The following HECW1 variants were observed in gnomAD, a reference collection of about 807,000 sequenced individuals.
HECW1 encodes HECT, C2 and WW domain containing E3 ubiquitin protein ligase 1.
HECW1 carries 61 observed loss-of-function variants against 182.3 expected under a neutral mutation model. The observed-to-expected ratio is 0.33, with a 90% CI of 0.27 to 0.41. The LOEUF is 0.41. HECW1 is among the 10% of genes least tolerant of loss of function. The pLI is 1.00. For missense variants in HECW1, 1,739 were observed against 2,108.9 expected, an observed-to-expected ratio of 0.82 and a Z score of 3.44; for synonymous variants, 859 against 832.6, an observed-to-expected ratio of 1.03 and a Z score of -0.55.
chr7:43,253,899 A>C (rs1346053215), intron 3 of HECW1, among the ~76,000 whole-genome samples: 2 of 151,984 alleles, frequency 1.3e-5, no homozygotes, highest in African/African-American at 4.8e-5. Flanking sequence ...CAAGAGTGAA[A>C]TTCCGTCTCA....
At chr7:43,307,300 C>G (rs954533754) in intron 3 of HECW1, among the ~76,000 whole-genome samples, 1 of 152,136 alleles carries the variant, frequency 6.6e-6, no homozygotes, top group Non-Finnish European at 1.5e-5. Context: ...TGTGGTCCTC[C>G]TATCAGTTCA....
At chr7:43,208,884 C>T (rs545026752) in intron 2 of HECW1, among the ~76,000 whole-genome samples, 1 of 152,210 alleles carries the variant, frequency 6.6e-6, no homozygotes, top group African/African-American at 2.4e-5. Flanking sequence ...GCCACACACT[C>T]TTGGAGGCTG....
At chr7:43,546,835 A>G (rs565928939) in intron 26 of HECW1, among the ~76,000 whole-genome samples, 6 of 152,184 alleles carry the variant, frequency 3.9e-5, no homozygotes, top group Non-Finnish European at 8.8e-5. Context: ...ATGTGTTTGC[A>G]CAAAACAGCA....
chr7:43,448,625 T>C (rs2152882236), intron 11 of HECW1, among the ~76,000 whole-genome samples: 1 of 152,340 alleles, frequency 6.6e-6, no homozygotes, highest in Non-Finnish European at 1.5e-5. Flanking sequence ...GCAGTGAGGG[T>C]AACTGTTTAT....
chr7:43,117,079 A>G (rs1785112424), intron 2 of HECW1, among the ~76,000 whole-genome samples: 1 of 152,332 alleles, frequency 6.6e-6, no homozygotes, highest in South Asian at 2.1e-4. Flanking sequence ...TCTTATTTGT[A>G]AAACTAAATT....
At chr7:43,349,116 C>T (rs1814068702) in intron 5 of HECW1, among the ~76,000 whole-genome samples, 1 of 152,154 alleles carries the variant, frequency 6.6e-6, no homozygotes, top group Non-Finnish European at 1.5e-5. Flanking sequence ...CTCACTGCAA[C>T]CTTTGCCTCC....
In HECW1 at chr7:43,314,112, C is replaced by G. The variant is rs1808887808; in HGVS notation, c.352+2025C>G. On this transcript the variant is annotated intron_variant, in intron 4 of 29. Transcript: ENST00000395891. ...TACAGGCATGAGCCACCATGCCCAGCCCAGATCTAGTTTTGAGTCAACTCA... is the reference window on the plus strand; with the variant it reads ...TACAGGCATGAGCCACCATGCCCAGGCCAGATCTAGTTTTGAGTCAACTCA... Among the ~76,000 whole-genome samples, 3 of 152,174 alleles carry G rather than the reference C, an allele frequency of 2.0e-5. No homozygotes were observed. In the South Asian group the frequency reaches 6.2e-4, roughly 32 times the overall value.
chr7:43,145,339 A>C (rs1788589961), intron 2 of HECW1, among the ~76,000 whole-genome samples: 1 of 152,154 alleles, frequency 6.6e-6, no homozygotes, highest in Non-Finnish European at 1.5e-5. Context: ...TGTCTTGCCC[A>C]GGCTGGAGTG....
intron 5 of HECW1, among the ~76,000 whole-genome samples, chr7:43,322,404 C>G (rs1489569452): frequency 1.3e-5 from 2 of 152,158 alleles, no homozygotes; most frequent in African/African-American, 4.8e-5. Flanking sequence ...GGCTTTTCTC[C>G]TCTCTAATCC....
intron 3 of HECW1, among the ~76,000 whole-genome samples, chr7:43,269,618 A>G (rs1204128786): frequency 6.6e-6 from 1 of 152,250 alleles, no homozygotes; most frequent in Non-Finnish European, 1.5e-5. Flanking sequence ...TTGAAAGGCA[A>G]GACCATCCAT....
At chr7:43,529,488 A>T (rs1053781063) in intron 24 of HECW1, among the ~76,000 whole-genome samples, 2 of 152,208 alleles carry the variant, frequency 1.3e-5, no homozygotes, top group African/African-American at 2.4e-5. Context: ...CCCTGACCTC[A>T]GAAAGTGCCA....
At chr7:43,531,053 G>T (rs1267820028) in intron 24 of HECW1, among the ~76,000 whole-genome samples, 1 of 152,156 alleles carries the variant, frequency 6.6e-6, no homozygotes. Flanking sequence ...CTCACATCTT[G>T]TCCTTCCTCA....
intron 2 of HECW1, among the ~76,000 whole-genome samples, chr7:43,227,318 T>C (rs1253185532): frequency 6.6e-6 from 1 of 152,112 alleles, no homozygotes; most frequent in Non-Finnish European, 1.5e-5. Context: ...TTTATACCTG[T>C]AAAGTGTAAG....
chr7:43,121,528 CAGTGATATGTAAACATAT>C (rs978778526), intron 2 of HECW1, among the ~76,000 whole-genome samples: 2 of 152,062 alleles, frequency 1.3e-5, no homozygotes, highest in African/African-American at 2.4e-5. Flanking sequence ...TGTAAACATA[CAGTGATATGTAAACATAT>C]AGTGATATGT....
At chr7:43,438,198 G>T (rs531672581) in intron 9 of HECW1, 53 bp downstream of exon 9, 16 of 1,544,272 alleles carry the variant, frequency 1.0e-5, no homozygotes, top group East Asian at 4.5e-5. Context: ...AACAGGTCGT[G>T]CCCAAAGGTG....
chr7:43,517,731 TAAC>T (rs1388263151), intron 24 of HECW1, among the ~76,000 whole-genome samples: 1 of 151,862 alleles, frequency 6.6e-6, no homozygotes, highest in African/African-American at 2.4e-5. Flanking sequence ...GCCCTACCCC[TAAC>T]AACAGCCCCT....
chr7:43,509,100 T>G lies in HECW1; in HGVS notation c.3998T>G (p.Phe1333Cys), dbSNP rs1221632492. The G allele has an allele frequency of 6.2e-7, 1 of 1,613,978 alleles. No homozygotes were observed. ...GTGCAGATCAGCCCCATGTCCGCATTTGTAGAAAACCATCTTGAGTGGTAA... is the reference window on the plus strand; with the variant it reads ...GTGCAGATCAGCCCCATGTCCGCATGTGTAGAAAACCATCTTGAGTGGTAA... The part of the protein sequence containing the change: ...YTVQISPMSA[F>C]VENHLEWFRF... Residue 1333 changes from phenylalanine to cysteine, a missense_variant, in exon 24 of 30, where the codon TTT becomes TGT. Around this residue, in one of 5 missense-constraint regions of HECW1, gnomAD observed 420 missense variants for 595.7 expected, o/e 0.71. Coordinates refer to ENST00000395891, the MANE Select transcript of HECW1 (RefSeq NM_015052.5).
At chr7:43,375,354 C>T (rs1204647079) in intron 6 of HECW1, among the ~76,000 whole-genome samples, 2 of 152,064 alleles carry the variant, frequency 1.3e-5, no homozygotes, top group South Asian at 2.1e-4. Context: ...ATGCCAAATA[C>T]AGACATTCTC....
At chr7:43,253,884 G>A (rs1489528517) in intron 3 of HECW1, among the ~76,000 whole-genome samples, 1 of 151,896 alleles carries the variant, frequency 6.6e-6, no homozygotes, top group East Asian at 1.9e-4. Flanking sequence ...CTCCAGCCTG[G>A]ACAACAAGAG....
Sources: allele counts gnomAD v4.1 joint callset (sites outside exome capture counted in the v4.1 genomes callset), GRCh38; gene constraint gnomAD v4.1.1; regional missense constraint gnomAD v4.1.1; transcripts MANE v1.5; gene names NCBI Gene and HGNC (gene_info 2026-07-23, HGNC 2026-07-21).